TNS3: variants seen among roughly 807,000 people sequenced by gnomAD.
The protein encoded by TNS3 is tensin-3.
In TNS3, 45 loss-of-function variants were observed where a neutral mutation model predicts 140.9. The observed-to-expected ratio is 0.32, with a 90% CI of 0.25 to 0.41. TNS3 has a LOEUF of 0.41. Among genes scored for constraint, TNS3 ranks in the 10% least tolerant of loss-of-function variants. The probability of loss-of-function intolerance (pLI) is 1.00; values close to 1 mark genes in which losing one functional copy is unlikely to be tolerated. For synonymous variants in TNS3, 815 were observed against 788.4 expected, an observed-to-expected ratio of 1.03 and a Z score of -0.56; for missense variants, 1,716 against 1,906.7, an observed-to-expected ratio of 0.90 and a Z score of 1.86.
At chr7:47,464,351 G>C (rs1584717206) in intron 4 of TNS3, among the ~76,000 whole-genome samples, 1 of 152,152 alleles carries the variant, frequency 6.6e-6, no homozygotes, top group East Asian at 1.9e-4. Flanking sequence ...AAGAAGAAAG[G>C]CATCAGAGAA....
At chr7:47,534,077 C>T (rs1432361870) in intron 1 of TNS3, among the ~76,000 whole-genome samples, 4 of 152,038 alleles carry the variant, frequency 2.6e-5, no homozygotes, top group Non-Finnish European at 5.9e-5. Flanking sequence ...AGTTCAAGAC[C>T]AGCCTGGCCA....
chr7:47,474,284 C>G (rs1337536339), intron 4 of TNS3, among the ~76,000 whole-genome samples: 3 of 112,584 alleles, frequency 2.7e-5, no homozygotes, highest in African/African-American at 1.4e-4. Flanking sequence ...ACACACAACA[C>G]ACACACATAA....
At chr7:47,344,360 C>A (rs540108469) in intron 20 of TNS3, among the ~76,000 whole-genome samples, 4 of 151,106 alleles carry the variant, frequency 2.6e-5, no homozygotes, top group African/African-American at 9.7e-5. Flanking sequence ...CCACAAGGTA[C>A]GTGTGAGAAG....
intron 20 of TNS3, among the ~76,000 whole-genome samples, chr7:47,312,208 C>T (rs184587372): frequency 4.1e-4 from 63 of 152,236 alleles, no homozygotes; most frequent in Middle Eastern, 3.4e-3. Flanking sequence ...TGTGACTGAC[C>T]GCCCCTCCTC....
At chr7:47,376,056 G>A (rs1265131293) in intron 16 of TNS3, among the ~76,000 whole-genome samples, 1 of 152,204 alleles carries the variant, frequency 6.6e-6, no homozygotes, top group Non-Finnish European at 1.5e-5. Flanking sequence ...TTTCAAAGGA[G>A]AAACTAGAAA....
intron 20 of TNS3, among the ~76,000 whole-genome samples, chr7:47,319,818 G>A (rs1057167091): frequency 3.3e-5 from 5 of 152,284 alleles, no homozygotes; most frequent in Non-Finnish European, 7.4e-5. Context: ...GCTAATGGGG[G>A]TTTCTCATGT....
At chr7:47,303,651 C>A in intron 21 of TNS3, 67 bp from the exon 22 acceptor site, 1 of 1,480,492 alleles carries the variant, frequency 6.8e-7, no homozygotes, top group Non-Finnish European at 9.0e-7. Flanking sequence ...GACCAGCAAG[C>A]GTCACCCACA....
At chr7:47,287,023 G>A (rs1453284878) in intron 27 of TNS3, among the ~76,000 whole-genome samples, 1 of 152,056 alleles carries the variant, frequency 6.6e-6, no homozygotes, top group East Asian at 1.9e-4. Flanking sequence ...GGGCTGCATA[G>A]GGGCAACCGA....
At chr7:47,484,226 C>T (rs1373716063) in intron 3 of TNS3, among the ~76,000 whole-genome samples, 1 of 152,176 alleles carries the variant, frequency 6.6e-6, no homozygotes, top group African/African-American at 2.4e-5. Context: ...AATAAAAATG[C>T]ACATGGAGCA....
chr7:47,297,276 A>C, intron 23 of TNS3, 63 bp from the exon 24 acceptor site: 1 of 1,542,014 alleles, frequency 6.5e-7, no homozygotes, highest in South Asian at 1.2e-5. Flanking sequence ...ATGCCCACTC[A>C]TAACCTTGGG....
chr7:47,546,957 C>A (rs1256226684), intron 1 of TNS3, among the ~76,000 whole-genome samples: 5 of 152,258 alleles, frequency 3.3e-5, no homozygotes, highest in African/African-American at 7.2e-5. Context: ...GACTACCACA[C>A]CCCTCAGTCA....
intron 13 of TNS3, among the ~76,000 whole-genome samples, chr7:47,406,344 G>A (rs921830770): frequency 2.6e-4 from 39 of 152,328 alleles, no homozygotes; most frequent in Admixed American, 8.5e-4. Context: ...ACTGAGTCCA[G>A]GGAGTGGCAA....
intron 17 of TNS3, among the ~76,000 whole-genome samples, chr7:47,348,136 T>C (rs919693421): frequency 1.3e-5 from 2 of 152,188 alleles, no homozygotes; most frequent in Non-Finnish European, 2.9e-5. Context: ...AGCAGAGGTG[T>C]GAGGTCACAA....
intron 1 of TNS3, among the ~76,000 whole-genome samples, chr7:47,551,920 T>C (rs963296920): frequency 6.6e-6 from 1 of 152,028 alleles, no homozygotes; most frequent in Non-Finnish European, 1.5e-5. Flanking sequence ...AGAGGGAGGC[T>C]ACAAAACCGT....
chr7:47,565,945 T>C (rs181802576), intron 1 of TNS3, among the ~76,000 whole-genome samples: 81 of 152,324 alleles, frequency 5.3e-4, no homozygotes, highest in Middle Eastern at 3.4e-3. Flanking sequence ...TCTGATGGCA[T>C]GATATGCGTG....
chr7:47,413,447 C>T (rs1793900654), intron 12 of TNS3, among the ~76,000 whole-genome samples: 1 of 151,586 alleles, frequency 6.6e-6, no homozygotes, highest in Non-Finnish European at 1.5e-5. Flanking sequence ...GACGGGGTTT[C>T]ACCATGATGG....
intron 4 of TNS3, among the ~76,000 whole-genome samples, chr7:47,480,640 T>TGTAA: frequency 6.6e-6 from 1 of 151,888 alleles, no homozygotes; most frequent in Non-Finnish European, 1.5e-5. Flanking sequence ...TGCTATTGTG[T>TGTAA]TTACCTTCAA....
At chr7:47,508,815 T>C (rs1035927348) in intron 2 of TNS3, among the ~76,000 whole-genome samples, 12 of 152,128 alleles carry the variant, frequency 7.9e-5, no homozygotes, top group African/African-American at 2.7e-4. Flanking sequence ...CCAGATGCCA[T>C]GTTGTGAGGA....
intron 1 of TNS3, among the ~76,000 whole-genome samples, chr7:47,532,005 C>T (rs1342787498): frequency 6.6e-6 from 1 of 152,202 alleles, no homozygotes; most frequent in Non-Finnish European, 1.5e-5. Context: ...GCTGCAGCCA[C>T]CCTCCCAGGC....
Sources: allele counts gnomAD v4.1 joint callset (sites outside exome capture counted in the v4.1 genomes callset), GRCh38; gene constraint gnomAD v4.1.1; transcripts MANE v1.5; gene names NCBI Gene and HGNC (gene_info 2026-07-23, HGNC 2026-07-21).